Variants in KLHL29 observed in about 807,000 individuals in gnomAD.
The protein encoded by KLHL29 is kelch like family member 29.
In KLHL29, 21 loss-of-function variants were observed where a neutral mutation model predicts 80.4. The ratio of observed to expected loss-of-function variants is 0.26; its 90% CI spans 0.19 to 0.38. The LOEUF (loss-of-function observed/expected upper bound fraction) is 0.38. KLHL29 is among the 10% of genes least tolerant of loss of function. The pLI, the probability that KLHL29 is intolerant of heterozygous loss-of-function variation, is 1.00. For missense variants in KLHL29, 867 were observed against 1,223.9 expected, an observed-to-expected ratio of 0.71 and a Z score of 4.35; for synonymous variants, 511 against 526.8, an observed-to-expected ratio of 0.97 and a Z score of 0.41.
chr2:23,702,995 G>C (rs143245625), intron 11 of KLHL29, among the ~76,000 whole-genome samples, 191 bp from the exon 12 acceptor site: 3 of 152,226 alleles, frequency 2.0e-5, no homozygotes, highest in Non-Finnish European at 4.4e-5. Context: ...AAGGCCGAGA[G>C]GGCTAGTTTG....
chr2:23,597,273 T>C (rs1668430218), intron 3 of KLHL29, among the ~76,000 whole-genome samples: 1 of 14,084 alleles, frequency 7.1e-5, no homozygotes, highest in Non-Finnish European at 1.2e-4. Flanking sequence ...CCCATCTCGC[T>C]CTCAATCTAT....
intron 5 of KLHL29, among the ~76,000 whole-genome samples, chr2:23,658,847 A>G (rs1474521278): frequency 6.6e-6 from 1 of 152,196 alleles, no homozygotes; most frequent in Non-Finnish European, 1.5e-5. Context: ...GGGCCTGGGA[A>G]CCAGGTCTCC....
At chr2:23,580,871 A>T (rs1294644828) in intron 3 of KLHL29, among the ~76,000 whole-genome samples, 4 of 136,496 alleles carry the variant, frequency 2.9e-5, no homozygotes, top group East Asian at 2.4e-4. Context: ...CTAGCTACTC[A>T]GGAGGCTGAG....
chr2:23,597,887 G>A (rs750615228), intron 3 of KLHL29, among the ~76,000 whole-genome samples: 7 of 152,256 alleles, frequency 4.6e-5, no homozygotes, highest in African/African-American at 9.6e-5. Flanking sequence ...AACCCTGCCC[G>A]TTCATGGCCT....
In KLHL29 at chr2:23,682,033, C is replaced by T. The variant is rs1419824659; in HGVS notation, c.941-2366C>T. Among the ~76,000 whole-genome samples, 1 of 152,054 alleles carries T rather than the reference C, an allele frequency of 6.6e-6. No homozygotes were observed. The highest frequency in any genetic ancestry group is 2.1e-4 in the South Asian group (1 of 4,828). On this transcript the variant is annotated intron_variant, in intron 5 of 13. Transcript: ENST00000486442. This position sits in a 1 kb window ranked among gnomAD's most constrained non-coding sequence, Gnocchi z 4.1. Reference sequence around the variant, plus strand: ...CAGGTGTCCCACAGGCCCCACCCCACAACTGATCTTCTTGTTCCCTCCCTT... The same window carrying T: ...CAGGTGTCCCACAGGCCCCACCCCATAACTGATCTTCTTGTTCCCTCCCTT...
At chr2:23,597,087 A>G (rs1668424521) in intron 3 of KLHL29, among the ~76,000 whole-genome samples, 1 of 152,116 alleles carries the variant, frequency 6.6e-6, no homozygotes, top group South Asian at 2.1e-4. Flanking sequence ...CCAGGCCCAC[A>G]TATTTTATAA....
intron 2 of KLHL29, among the ~76,000 whole-genome samples, chr2:23,536,918 A>ACACACACACACT (rs143009876): frequency 4.3e-5 from 6 of 140,650 alleles, no homozygotes; most frequent in Admixed American, 2.8e-4. Context: ...ACACACACAC[A>ACACACACACACT]CTCTCTCTCT....
At chr2:23,433,621 C>CA (rs1160011594) in intron 1 of KLHL29, among the ~76,000 whole-genome samples, 1 of 152,116 alleles carries the variant, frequency 6.6e-6, no homozygotes, top group African/African-American at 2.4e-5. Context: ...GGTGTCTTGA[C>CA]AAAAAATGAG....
chr2:23,451,430 G>A (rs547954170), intron 1 of KLHL29, among the ~76,000 whole-genome samples: 1 of 152,276 alleles, frequency 6.6e-6, no homozygotes, highest in East Asian at 1.9e-4. Context: ...AACATCAGTG[G>A]CAGTGTGGAC....
intron 1 of KLHL29, among the ~76,000 whole-genome samples, chr2:23,422,595 CTG>C (rs1289613225): frequency 6.8e-6 from 1 of 147,832 alleles, no homozygotes; most frequent in African/African-American, 2.5e-5. Flanking sequence ...GTCTGTGTCT[CTG>C]TGTTGTGTGC....
intron 5 of KLHL29, among the ~76,000 whole-genome samples, chr2:23,659,704 A>G (rs1310794529): frequency 2.0e-5 from 3 of 152,076 alleles, no homozygotes; most frequent in Admixed American, 2.0e-4. Context: ...GCCCAGGGCT[A>G]AAGAGCTCTG....
At chr2:23,468,779 C>G (rs1664419049) in intron 1 of KLHL29, among the ~76,000 whole-genome samples, 1 of 152,192 alleles carries the variant, frequency 6.6e-6, no homozygotes, top group Non-Finnish European at 1.5e-5. Context: ...GCCAACAGTT[C>G]CAGGGCTGAT....
intron 3 of KLHL29, among the ~76,000 whole-genome samples, chr2:23,608,430 G>A (rs988414346): frequency 8.4e-6 from 1 of 118,478 alleles, no homozygotes; most frequent in Non-Finnish European, 1.7e-5. Context: ...AGTCTCCTTG[G>A]AGGTAGGGCC....
chr2:23,538,532 T>C (rs537950185), intron 2 of KLHL29, among the ~76,000 whole-genome samples: 1 of 152,360 alleles, frequency 6.6e-6, no homozygotes, highest in Admixed American at 6.5e-5. Context: ...TACAGGAAGC[T>C]AAAATCGTGA....
Position 23,684,613 on chromosome 2 carries a change from C to A in KLHL29, c.1079+76C>A. Reference sequence around the variant, plus strand: ...TTGTGTCGCTTTTCTCTTCCCCTCTCTTGCAGGTTCCTGAAGCGTGACTCC... The same window carrying A: ...TTGTGTCGCTTTTCTCTTCCCCTCTATTGCAGGTTCCTGAAGCGTGACTCC... On this transcript the variant is annotated intron_variant, in intron 6 of 13. Transcript: ENST00000486442. This position sits in a 1 kb window ranked among gnomAD's most constrained non-coding sequence, Gnocchi z 4.4. 2 of 1,345,450 alleles carry A rather than the reference C, an allele frequency of 1.5e-6. No homozygotes were observed. Among genetic ancestry groups the A allele is most frequent in the South Asian group, 1.6e-5 (1 of 63,676 alleles). 83.3% of individuals were successfully genotyped at this position (1,345,450 alleles called of 1,614,324 possible). A position where few individuals can be genotyped will look rare whatever the true frequency, so the allele number is the denominator to read the frequency against.
At chr2:23,655,321 G>A (rs3795933) in intron 5 of KLHL29, among the ~76,000 whole-genome samples, 54,640 of 152,076 alleles carry the variant, frequency 0.36, 11,902 homozygotes, top group East Asian at 0.53. Flanking sequence ...AGCCAATTCC[G>A]TGCAAAGATG....
intron 3 of KLHL29, among the ~76,000 whole-genome samples, chr2:23,624,724 A>C (rs572228781): frequency 2.6e-5 from 4 of 152,208 alleles, no homozygotes; most frequent in Non-Finnish European, 5.9e-5. Context: ...CTGATGGAGA[A>C]AGACTGTGCC....
At position 23,461,966 on chromosome 2, in the gene KLHL29, G is replaced by A. The variant is rs1051025925; in HGVS notation, c.-153-13594G>A. ...ATTAGTTTGGTGCAAAAGTAATTGC[G>A]GTTTTTGCCATTTTTTTTTTTTTAA... On this transcript the variant is annotated intron_variant, in intron 1 of 13. Transcript: ENST00000486442. 1.5e-4 allele frequency among the ~76,000 whole-genome samples: 14 copies of A among 96,038 alleles called. 1 individual carries two copies. Among genetic ancestry groups the A allele is most frequent in the Admixed American group, 9.5e-4 (9 of 9,472 alleles). The allele number at this position is 96,038 out of a possible 152,430, so 63.0% of individuals were successfully genotyped here.
In KLHL29 at chr2:23,695,198, TTTCCTGGGTCCTCCCACCTG is replaced by T. The variant is rs1671873721; in HGVS notation, c.1543-418_1543-399del. Among the ~76,000 whole-genome samples the T allele has an allele frequency of 6.6e-6, 1 of 152,140 alleles. No homozygotes were observed. Among genetic ancestry groups the T allele is most frequent in the African/African-American group, 2.4e-5 (1 of 41,416 alleles). On this transcript the variant is annotated intron_variant, in intron 8 of 13. Transcript: ENST00000486442. This position sits in a 1 kb window ranked among gnomAD's most constrained non-coding sequence, Gnocchi z 7.6. ...TCAATAGTCGCCATCTCCTTGAAGCTTTCCTGGGTCCTCCCACCTGTTCCTGAGTCCTTGTCACACTCACA... is the reference window on the plus strand; with the variant it reads ...TCAATAGTCGCCATCTCCTTGAAGCTTTCCTGAGTCCTTGTCACACTCACA...
Sources: allele counts gnomAD v4.1 joint callset (sites outside exome capture counted in the v4.1 genomes callset), GRCh38; gene constraint gnomAD v4.1.1; non-coding constraint Gnocchi (gnomAD v3.1); transcripts MANE v1.5; gene names NCBI Gene and HGNC (gene_info 2026-07-23, HGNC 2026-07-21).